The following MAP3K2 variants were observed in gnomAD, a reference collection of about 807,000 sequenced individuals.
The protein encoded by MAP3K2 is mitogen-activated protein kinase kinase kinase 2.
MAP3K2 carries 24 observed loss-of-function variants against 80.3 expected under a neutral mutation model. That is an observed-to-expected ratio of 0.30 (90% confidence interval 0.22 to 0.42). The LOEUF is 0.42. Among genes scored for constraint, MAP3K2 ranks in the 10% least tolerant of loss-of-function variants. The pLI, the probability that MAP3K2 is intolerant of heterozygous loss-of-function variation, is 1.00. For synonymous variants in MAP3K2, 244 were observed against 253.7 expected, an observed-to-expected ratio of 0.96 and a Z score of 0.36; for missense variants, 608 against 750.1, an observed-to-expected ratio of 0.81 and a Z score of 2.21.
rs1337490074 is a variant in MAP3K2, at chr2:127,310,899, T to G, written c.1457-2137A>C. ...TATTTTATTATCTAATTTTAAAATT[T>G]TACTTCAATTCTTATTTTTAACTCT... On this transcript the variant is annotated intron_variant, in intron 15 of 16. Coordinates refer to ENST00000682094, the MANE Select transcript of MAP3K2 (RefSeq NM_001371910.2). The surrounding 1 kb of genome is among the most constrained non-coding windows in gnomAD (Gnocchi z 4.8). Among the ~76,000 whole-genome samples the G allele has an allele frequency of 2.0e-5, 3 of 152,176 alleles. No homozygotes were observed. Among genetic ancestry groups the G allele is most frequent in the Non-Finnish European group, 4.4e-5 (3 of 68,030 alleles).
chr2:127,353,314 C>T (rs1047303433), intron 1 of MAP3K2, among the ~76,000 whole-genome samples: 1 of 152,068 alleles, frequency 6.6e-6, no homozygotes, highest in Non-Finnish European at 1.5e-5. Flanking sequence ...CCCCGCCGCC[C>T]CGTCTGGGAT....
chr2:127,324,313 T>C, intron 9 of MAP3K2, 72 bp from the exon 10 acceptor site: 2 of 815,292 alleles, frequency 2.5e-6, no homozygotes, highest in Non-Finnish European at 3.9e-6. Flanking sequence ...CTTTGAGCAA[T>C]ATCTATATCT....
chr2:127,323,287 T>C (rs1015668250), intron 11 of MAP3K2, among the ~76,000 whole-genome samples: 2 of 149,980 alleles, frequency 1.3e-5, no homozygotes, highest in African/African-American at 4.9e-5. Context: ...ACCCAGGAGG[T>C]GGAGGGTGCA....
rs773001406 is a variant in MAP3K2, at chr2:127,317,620, C to T, written c.1326+9G>A. 1 of 1,535,132 alleles carries T rather than the reference C, an allele frequency of 6.5e-7. No homozygotes were observed. Among genetic ancestry groups the T allele is most frequent in the Middle Eastern group, 1.7e-4 (1 of 5,840 alleles). ...GAATGTGTATTTTCAAAAAGATGTA[C>T]TAACTTACCCCTGGCATATATTCCA... On this transcript the variant is annotated intron_variant, in intron 14 of 16. Transcript: ENST00000682094.
chr2:127,337,330 T>C (rs1686393402), intron 4 of MAP3K2, among the ~76,000 whole-genome samples: 1 of 152,166 alleles, frequency 6.6e-6, no homozygotes. Flanking sequence ...GACGTAAATG[T>C]CATAAAACTG....
rs866826475 is a variant in MAP3K2, at chr2:127,354,477, G to A, written c.-65-11283C>T. Reference sequence around the variant, plus strand: ...ATATAAGATTTCATCATGATTGTCAGACTGTCAGACTGGAAAACCTCAAAA... The same window carrying A: ...ATATAAGATTTCATCATGATTGTCAAACTGTCAGACTGGAAAACCTCAAAA... On this transcript the variant is annotated intron_variant, in intron 1 of 16. Coordinates refer to ENST00000682094, the MANE Select transcript of MAP3K2 (RefSeq NM_001371910.2). 1.6e-4 allele frequency among the ~76,000 whole-genome samples: 24 copies of A among 152,112 alleles called. No homozygotes were observed. The Middle Eastern group carries it at 0.017, about 108-fold the overall frequency.
intron 1 of MAP3K2, among the ~76,000 whole-genome samples, chr2:127,355,482 A>G (rs1686781374): frequency 6.6e-6 from 1 of 152,148 alleles, no homozygotes; most frequent in Admixed American, 6.5e-5. Context: ...TGTGTAGTCT[A>G]TTAAGTGTGC....
chr2:127,314,652 A>G, intron 15 of MAP3K2, 102 bp downstream of exon 15: 1 of 930,634 alleles, frequency 1.1e-6, no homozygotes, highest in Non-Finnish European at 1.6e-6. Context: ...GTAGTATTTC[A>G]GAGACAGATG....
intron 1 of MAP3K2, among the ~76,000 whole-genome samples, chr2:127,349,042 A>C (rs1686645236): frequency 1.3e-5 from 2 of 152,328 alleles, no homozygotes; most frequent in South Asian, 4.1e-4. Flanking sequence ...TGACAACTTT[A>C]ATTTCTTTTT....
chr2:127,344,295 C>T (rs146644601), intron 1 of MAP3K2, among the ~76,000 whole-genome samples: 1 of 152,076 alleles, frequency 6.6e-6, no homozygotes, highest in Non-Finnish European at 1.5e-5. Context: ...TGCCCAAATT[C>T]CCCCATGCAA....
Position 127,304,087 on chromosome 2 carries a change from G to A in MAP3K2, c.*3492C>T, listed in dbSNP as rs1473468942. 1 of 151,960 alleles carries A rather than the reference G, an allele frequency of 6.6e-6. No individual in the cohort carries two copies. Among genetic ancestry groups the A allele is most frequent in the African/African-American group, 2.4e-5 (1 of 41,388 alleles). The allele number at this position is 151,960 out of a possible 1,614,324, so 9.4% of individuals were successfully genotyped here. ...CCAATCCAATTCACTCTGAAATCAA[G>A]GTTTAAAATTTTCTTTTACAGTTCA... On this transcript the variant is annotated 3_prime_UTR_variant, in exon 17 of 17. Transcript: ENST00000682094.
chr2:127,380,641 C>A (rs963214980), intron 1 of MAP3K2, among the ~76,000 whole-genome samples: 19 of 152,102 alleles, frequency 1.2e-4, no homozygotes, highest in African/African-American at 4.3e-4. Context: ...AATCTTAACT[C>A]TTTAACCTAA....
chr2:127,381,693 TA>T, intron 1 of MAP3K2, among the ~76,000 whole-genome samples: 1 of 152,278 alleles, frequency 6.6e-6, no homozygotes, highest in African/African-American at 2.4e-5. Flanking sequence ...GTGAGAAAAA[TA>T]TACCTCACCT....
intron 1 of MAP3K2, among the ~76,000 whole-genome samples, chr2:127,351,620 C>T (rs1443693334): frequency 1.3e-5 from 2 of 152,082 alleles, no homozygotes; most frequent in Non-Finnish European, 2.9e-5. Context: ...TATTTCACTA[C>T]TCCAAGCCAT....
rs886355553 is a variant in MAP3K2 at position 127,304,189 on chromosome 2, T to C, written c.*3390A>G. On this transcript the variant is annotated 3_prime_UTR_variant, in exon 17 of 17. Coordinates refer to ENST00000682094, the MANE Select transcript of MAP3K2 (RefSeq NM_001371910.2). Reference sequence around the variant, plus strand: ...TGCCTTTTAAAACTTTCTAAGGCAATAGTCATTTTTTTAAGTTAGAAAGAT... The same window carrying C: ...TGCCTTTTAAAACTTTCTAAGGCAACAGTCATTTTTTTAAGTTAGAAAGAT... 3.9e-5 allele frequency: 6 copies of C among 152,276 alleles called. No homozygotes were observed. The highest frequency in any genetic ancestry group is 1.9e-4 in the East Asian group (1 of 5,194). 9.4% of individuals were successfully genotyped at this position (152,276 alleles called of 1,614,324 possible).
At chr2:127,371,574 G>T (rs536719980) in intron 1 of MAP3K2, among the ~76,000 whole-genome samples, 3 of 152,104 alleles carry the variant, frequency 2.0e-5, no homozygotes, top group African/African-American at 7.2e-5. Flanking sequence ...AATGTGGATC[G>T]CCAACAAGCA....
upstream of MAP3K2, chr2:127,388,009 C>G: frequency 1.0e-6 from 1 of 983,592 alleles, no homozygotes; most frequent in South Asian, 4.7e-5. Flanking sequence ...CACGGCCGCT[C>G]GCTCGTGCGC....
chr2:127,363,521 C>T (rs1666741810), intron 1 of MAP3K2, among the ~76,000 whole-genome samples: 1 of 152,116 alleles, frequency 6.6e-6, no homozygotes, highest in African/African-American at 2.4e-5. Context: ...ATATCAAACA[C>T]AGTACTTCTC....
At chr2:127,330,609 T>C (rs984716953) in intron 5 of MAP3K2, 104 bp from the exon 6 acceptor site, 3 of 561,036 alleles carry the variant, frequency 5.3e-6, no homozygotes, top group Non-Finnish European at 9.6e-6. Flanking sequence ...ACCTTGCTCT[T>C]TGATTTGTTA....
Sources: allele counts gnomAD v4.1 joint callset (sites outside exome capture counted in the v4.1 genomes callset), GRCh38; gene constraint gnomAD v4.1.1; non-coding constraint Gnocchi (gnomAD v3.1); transcripts MANE v1.5; gene names NCBI Gene and HGNC (gene_info 2026-07-23, HGNC 2026-07-21).